LRRC70: variants seen among roughly 807,000 people sequenced by gnomAD.
LRRC70 encodes the protein leucine rich repeat containing 70.
In LRRC70, 31 loss-of-function variants were observed where a neutral mutation model predicts 42.4. The ratio of observed to expected loss-of-function variants is 0.73; its 90% confidence interval spans 0.55 to 0.99. LRRC70 has a LOEUF of 0.99. Ranked by LOEUF, LRRC70 falls within the 50% of genes least tolerant of loss-of-function variation. LRRC70 has a pLI of 0.00. For missense variants in LRRC70, 643 were observed against 707.5 expected (o/e 0.91, Z 1.03); for synonymous variants, 270 against 262.9 (o/e 1.03, Z -0.26).
In LRRC70 at chr5:62,579,671, G is replaced by C. The variant is rs1248634500; in HGVS notation, c.233G>C (p.Ser78Thr). The C allele has an allele frequency of 6.5e-7, 1 of 1,546,820 alleles. No homozygotes were observed. Among genetic ancestry groups the C allele is most frequent in the African/African-American group, 1.4e-5 (1 of 72,788 alleles). Residue 78 changes from serine to threonine, a missense_variant, in exon 2 of 2, where the codon AGT becomes ACT. Physicochemically the swap from Ser to Thr is moderately conservative, Grantham distance 58. Transcript: ENST00000334994. Reference sequence around the variant, plus strand: ...AATAATATATCTTATATAAATGAAAGTGAATTAACAGGACTTCATTCTCTT... The same window carrying C: ...AATAATATATCTTATATAAATGAAACTGAATTAACAGGACTTCATTCTCTT... The part of the protein sequence containing the change: ...TGNNISYINE[S>T]ELTGLHSLVA...
In LRRC70 at chr5:62,581,149, A is replaced by G; in HGVS notation, c.1711A>G (p.Ser571Gly). 6.4e-7 allele frequency: 1 copy of G among 1,550,958 alleles called. No individual in the cohort carries two copies. Reference protein sequence around the residue: ...NSRENRLEYYSFYQSARYNVT... With the variant: ...NSRENRLEYYGFYQSARYNVT... ...AAGGGAAAATAGACTTGAATACTAC[A>G]GCTTTTATCAGTCAGCAAGGTATAA... The change falls in exon 2 of 2, where the codon AGC becomes GGC. Residue 571 changes from serine (S) to glycine (G), a missense_variant. Transcript: ENST00000334994.
At chr5:62,579,361 A>G (rs570051606) in intron 1 of LRRC70, 40 bp from the exon 2 acceptor site, 3 of 1,324,368 alleles carry the variant, frequency 2.3e-6, no homozygotes, top group Admixed American at 2.0e-5. Context: ...TCATTTGATG[A>G]AGTTTTCGTG....
At position 62,581,405 on chromosome 5, in the gene LRRC70, G is replaced by A. The variant is rs1383960961; in HGVS notation, c.*98G>A. 5.6e-6 allele frequency: 5 copies of A among 890,892 alleles called. No homozygotes were observed. In the African/African-American group the frequency reaches 7.0e-5, roughly 12 times the overall value. 55.2% of individuals were successfully genotyped at this position (890,892 alleles called of 1,614,324 possible). On this transcript the variant is annotated 3_prime_UTR_variant, in exon 2 of 2. Transcript: ENST00000334994. ...TATATACTTTAGTTGGAAATATAAT[G>A]AATTATATGAGGTTAGCATTATTAA...
rs1561371540 is a variant in LRRC70, at chr5:62,580,023, A to G, written c.585A>G (p.Ile195Met). Residue 195 changes from isoleucine (I) to methionine (M), a missense_variant, in exon 2 of 2, where the codon ATA becomes ATG. Ile to Met is a conservative substitution (Grantham distance 10, BLOSUM62 1). Coordinates refer to ENST00000334994, the MANE Select transcript of LRRC70 (RefSeq NM_181506.5). ...TATCAAACAATAACATTTTGAGGAT[A>G]TCAGAATCAGGCTTTCAACATCTTG... Reference protein sequence around the residue: ...LDLSNNNILRISESGFQHLEN... With the variant: ...LDLSNNNILRMSESGFQHLEN... 1.9e-6 allele frequency: 3 copies of G among 1,551,300 alleles called. No individual in the cohort carries two copies. The highest frequency in any genetic ancestry group is 1.7e-6 in the Non-Finnish European group (2 of 1,146,748).
At position 62,580,318 on chromosome 5, in the gene LRRC70, G is replaced by A; in HGVS notation, c.880G>A (p.Asp294Asn). ...TAATGATTTAGAGAATTTAAATTCT[G>A]ACACATTCAGTTTGTTAAAGAATTT... is the stretch of plus-strand genomic sequence containing the variant. ...SHNDLENLNS[D>N]TFSLLKNLIY... Residue 294 changes from aspartate to asparagine, a missense_variant, in exon 2 of 2, where the codon GAC becomes AAC. Physicochemically the swap from Asp to Asn is conservative, Grantham distance 23. Transcript: ENST00000334994. The A allele has an allele frequency of 1.3e-6, 2 of 1,536,184 alleles. No individual in the cohort carries two copies. Among genetic ancestry groups the A allele is most frequent in the Non-Finnish European group, 1.8e-6 (2 of 1,133,168 alleles).
chr5:62,580,245 G>A lies in LRRC70; in HGVS notation c.807G>A (p.Arg269=). The change falls in exon 2 of 2, where the codon AGG becomes AGA. Residue 269 remains arginine (R), a synonymous_variant. Coordinates refer to ENST00000334994, the MANE Select transcript of LRRC70 (RefSeq NM_181506.5). ...ATTCAAGAATTAGGAATGTTACTAG[G>A]GATGGGTTTAGTGGAATTAATAATC... ...LKNSRIRNVT[R]DGFSGINNLK... The A allele has an allele frequency of 6.5e-7, 1 of 1,548,116 alleles. No homozygotes were observed. Among genetic ancestry groups the A allele is most frequent in the Non-Finnish European group, 8.7e-7 (1 of 1,144,028 alleles).
Position 62,579,525 on chromosome 5 carries a change from A to G in LRRC70, c.87A>G (p.Ile29Met). The G allele has an allele frequency of 6.4e-7, 1 of 1,551,088 alleles. No individual in the cohort carries two copies. Among genetic ancestry groups the G allele is most frequent in the Non-Finnish European group, 8.7e-7 (1 of 1,146,584 alleles). Reference protein sequence around the residue: ...CYLLLLLHKEILGCSSVCQLC... With the variant: ...CYLLLLLHKEMLGCSSVCQLC... Reference sequence around the variant, plus strand: ...TTTTATTATTACTCCACAAAGAAATACTTGGATGTTCGTCTGTTTGTCAGC... The same window carrying G: ...TTTTATTATTACTCCACAAAGAAATGCTTGGATGTTCGTCTGTTTGTCAGC... The change falls in exon 2 of 2, where the codon ATA (isoleucine) becomes ATG (methionine). Residue 29 changes from isoleucine (I) to methionine (M), a missense_variant. Physicochemically the swap from Ile to Met is conservative, Grantham distance 10 (BLOSUM62 1). Coordinates refer to ENST00000334994, the MANE Select transcript of LRRC70 (RefSeq NM_181506.5).
rs1368606873 is a variant in LRRC70 at position 62,579,729 on chromosome 5, G to T, written c.291G>T (p.Leu97=). ...VALYLDNSNI[L]YVYPKAFVQL... ...TGTATTTGGATAATTCTAACATTCT[G>T]TATGTATATCCAAAAGCCTTTGTTC... The change falls in exon 2 of 2, where the codon CTG becomes CTT. Residue 97 remains leucine, a synonymous_variant. Coordinates refer to ENST00000334994, the MANE Select transcript of LRRC70 (RefSeq NM_181506.5). The T allele has an allele frequency of 6.5e-7, 1 of 1,547,976 alleles. No homozygotes were observed. Among genetic ancestry groups the T allele is most frequent in the Non-Finnish European group, 8.7e-7 (1 of 1,145,240 alleles).
In LRRC70 at chr5:62,581,325, T is replaced by G; in HGVS notation, c.*18T>G. 1.4e-6 allele frequency: 2 copies of G among 1,472,976 alleles called. No individual in the cohort carries two copies. Among genetic ancestry groups the G allele is most frequent in the Non-Finnish European group, 1.8e-6 (2 of 1,116,826 alleles). The allele number at this position is 1,472,976 out of a possible 1,614,324, so 91.2% of individuals were successfully genotyped here. A position where few individuals can be genotyped will look rare whatever the true frequency, so the allele number is the denominator to read the frequency against. ...CTTTATAACTCAACTAAATATTGTCTATAAGAAACTTCAGTGCCATGGACA... is the reference window on the plus strand; with the variant it reads ...CTTTATAACTCAACTAAATATTGTCGATAAGAAACTTCAGTGCCATGGACA... On this transcript the variant is annotated 3_prime_UTR_variant, in exon 2 of 2. Coordinates refer to ENST00000334994, the MANE Select transcript of LRRC70 (RefSeq NM_181506.5).
chr5:62,580,795 A>G lies in LRRC70; in HGVS notation c.1357A>G (p.Thr453Ala). The G allele has an allele frequency of 1.9e-6, 3 of 1,551,432 alleles. 1 individual carries two copies. Among genetic ancestry groups the G allele is most frequent in the South Asian group, 2.4e-5 (2 of 84,060 alleles). ...GGAAAATACTGAGACTGAGAACATT[A>G]CTTTCTGGGAACGAATTCCTACTTC... Reference protein sequence around the residue: ...PLENTETENITFWERIPTSPA... With the variant: ...PLENTETENIAFWERIPTSPA... The change falls in exon 2 of 2, where the codon ACT (threonine) becomes GCT (alanine). Residue 453 changes from threonine to alanine, a missense_variant. Physicochemically the swap from Thr to Ala is moderately conservative, Grantham distance 58. Coordinates refer to ENST00000334994, the MANE Select transcript of LRRC70 (RefSeq NM_181506.5).
rs752263397 is a variant in LRRC70, at chr5:62,580,687, G to A, written c.1249G>A (p.Val417Ile). The change falls in exon 2 of 2, where the codon GTT (valine) becomes ATT (isoleucine). Residue 417 changes from valine (V) to isoleucine (I), a missense_variant. Coordinates refer to ENST00000334994, the MANE Select transcript of LRRC70 (RefSeq NM_181506.5). ...SSINVSRAWA[V>I]VKSPHIHHKT... is the part of the protein sequence containing the mutation. ...AATAAATGTATCCAGAGCTTGGGCT[G>A]TTGTAAAATCTCCTCATATTCATCA... 16 of 1,551,458 alleles carry A rather than the reference G, an allele frequency of 1.0e-5. No homozygotes were observed. The highest frequency in any genetic ancestry group is 9.8e-5 in the East Asian group (4 of 40,920).
At position 62,581,329 on chromosome 5, in the gene LRRC70, A is replaced by G; in HGVS notation, c.*22A>G. ...ATAACTCAACTAAATATTGTCTATA[A>G]GAAACTTCAGTGCCATGGACATGAT... On this transcript the variant is annotated 3_prime_UTR_variant, in exon 2 of 2. Coordinates refer to ENST00000334994, the MANE Select transcript of LRRC70 (RefSeq NM_181506.5). 6.8e-7 allele frequency: 1 copy of G among 1,468,762 alleles called. No homozygotes were observed. Among genetic ancestry groups the G allele is most frequent in the South Asian group, 1.5e-5 (1 of 67,736 alleles). The allele number at this position is 1,468,762 out of a possible 1,614,324, so 91.0% of individuals were successfully genotyped here. A position where few individuals can be genotyped will look rare whatever the true frequency, so the allele number is the denominator to read the frequency against.
rs1292781169 is a variant in LRRC70 at position 62,580,436 on chromosome 5, CAT to C, written c.999_1000del (p.Phe334Ter). 31 of 1,551,228 alleles carry C rather than the reference CAT, an allele frequency of 2.0e-5. No homozygotes were observed. Among genetic ancestry groups the C allele is most frequent in the Non-Finnish European group, 2.4e-5 (28 of 1,146,774 alleles). On this transcript the variant is annotated frameshift_variant, in exon 2 of 2. Coordinates refer to ENST00000334994, the MANE Select transcript of LRRC70 (RefSeq NM_181506.5). LOFTEE classifies it high-confidence loss of function. ...GCATCTTTGAAGATCCTTAATCTGT[CAT>C]TTAATAATCTTACAGCCTTGCATCC... is the stretch of plus-strand genomic sequence containing the variant.
rs1377612687 is a variant in LRRC70, at chr5:62,580,612, C to A, written c.1174C>A (p.Arg392Ser). 1.3e-6 allele frequency: 2 copies of A among 1,551,436 alleles called. No individual in the cohort carries two copies. The highest frequency in any genetic ancestry group is 4.9e-5 in the East Asian group (2 of 40,916). ...CTATTGTCAGAATCCCCCATCCATGCGTGGCAGAGCATTACGTTATATTAA... is the reference window on the plus strand; with the variant it reads ...CTATTGTCAGAATCCCCCATCCATGAGTGGCAGAGCATTACGTTATATTAA... ...NIYCQNPPSMRGRALRYINIT... is the reference protein window; with the variant it reads ...NIYCQNPPSMSGRALRYINIT... The change falls in exon 2 of 2, where the codon CGT becomes AGT. Residue 392 changes from arginine to serine, a missense_variant. Physicochemically the swap from Arg to Ser is moderately radical, Grantham distance 110. Coordinates refer to ENST00000334994, the MANE Select transcript of LRRC70 (RefSeq NM_181506.5).
rs761398134 is a variant in LRRC70, at chr5:62,579,596, G to T, written c.158G>T (p.Ser53Ile). 1.6e-4 allele frequency: 253 copies of T among 1,550,942 alleles called. No individual in the cohort carries two copies. The highest frequency in any genetic ancestry group is 3.3e-4 in the Admixed American group (17 of 50,932). Residue 53 changes from serine to isoleucine, a missense_variant, in exon 2 of 2, where the codon AGT becomes ATT. Ser to Ile is a moderately radical substitution (Grantham distance 142). Transcript: ENST00000334994. ...QINCRNLGLS[S>I]IPKNFPESTV... ...AACTGCCGTAACTTAGGCCTTTCGAGTATTCCTAAGAATTTTCCTGAAAGT... is the reference window on the plus strand; with the variant it reads ...AACTGCCGTAACTTAGGCCTTTCGATTATTCCTAAGAATTTTCCTGAAAGT...
At position 62,580,889 on chromosome 5, in the gene LRRC70, T is replaced by G. The variant is rs1280059497; in HGVS notation, c.1451T>G (p.Val484Gly). 2 of 1,551,398 alleles carry G rather than the reference T, an allele frequency of 1.3e-6. No individual in the cohort carries two copies. The highest frequency in any genetic ancestry group is 1.7e-6 in the Non-Finnish European group (2 of 1,146,864). The change falls in exon 2 of 2, where the codon GTG becomes GGG. Residue 484 changes from valine (V) to glycine (G), a missense_variant. Transcript: ENST00000334994. Reference sequence around the variant, plus strand: ...TTAGAGACTACAGCAGTGTTACCTGTGCAAATACAACTTACTACTTCTGTT... The same window carrying G: ...TTAGAGACTACAGCAGTGTTACCTGGGCAAATACAACTTACTACTTCTGTT... ...NPLETTAVLP[V>G]QIQLTTSVTL...
chr5:62,579,731 A>C lies in LRRC70; in HGVS notation c.293A>C (p.Tyr98Ser), dbSNP rs1019343976. 3.9e-6 allele frequency: 6 copies of C among 1,547,964 alleles called. No individual in the cohort carries two copies. The highest frequency in any genetic ancestry group is 1.7e-4 in the Middle Eastern group (1 of 5,956). ...ALYLDNSNILYVYPKAFVQLR... is the reference protein window; with the variant it reads ...ALYLDNSNILSVYPKAFVQLR... Reference sequence around the variant, plus strand: ...TATTTGGATAATTCTAACATTCTGTATGTATATCCAAAAGCCTTTGTTCAA... The same window carrying C: ...TATTTGGATAATTCTAACATTCTGTCTGTATATCCAAAAGCCTTTGTTCAA... The change falls in exon 2 of 2, where the codon TAT (tyrosine) becomes TCT (serine). Residue 98 changes from tyrosine (Y) to serine (S), a missense_variant. Transcript: ENST00000334994.
intron 1 of LRRC70, 84 bp from the exon 2 acceptor site, chr5:62,579,317 T>C: frequency 4.6e-6 from 4 of 868,680 alleles, no homozygotes; most frequent in South Asian, 1.5e-5. Context: ...CTAATTAAAA[T>C]AGAATACAGA....
rs1258581181 is a variant in LRRC70 at position 62,580,145 on chromosome 5, C to T, written c.707C>T (p.Ser236Phe). 6.4e-7 allele frequency: 1 copy of T among 1,551,084 alleles called. No homozygotes were observed. The highest frequency in any genetic ancestry group is 2.0e-5 in the Admixed American group (1 of 50,958). ...AAAAGTCTTAGAAGACTTTCTTTGT[C>T]TCATAATCCTATTGAAGCAATACAG... The part of the protein sequence containing the change: ...VLKSLRRLSL[S>F]HNPIEAIQPF... The change falls in exon 2 of 2, where the codon TCT (serine) becomes TTT (phenylalanine). Residue 236 changes from serine (S) to phenylalanine (F), a missense_variant. Transcript: ENST00000334994.
Sources: gnomAD v4.1 joint callset for allele counts on GRCh38, gnomAD v4.1.1 for gene constraint, MANE v1.5 for transcripts, NCBI Gene and HGNC (gene_info 2026-07-23, HGNC 2026-07-21) for gene names.